Variants in PTPRN observed in about 807,000 individuals in gnomAD.
PTPRN encodes the protein protein tyrosine phosphatase receptor type N.
A neutral mutation model predicts 108.5 loss-of-function variants in PTPRN; 70 were observed. The ratio of observed to expected loss-of-function variants is 0.65; its 90% CI spans 0.53 to 0.79. The LOEUF (loss-of-function observed/expected upper bound fraction) is 0.79, where lower values mean the gene tolerates loss of function less well. Ranked by LOEUF, PTPRN falls within the 30% of genes least tolerant of loss-of-function variation. The pLI is 0.00. For missense variants in PTPRN, 1,136 were observed against 1,295.5 expected (o/e 0.88, Z 1.89); for synonymous variants, 496 against 524.6 (o/e 0.95, Z 0.75).
intron 3 of PTPRN, among the ~76,000 whole-genome samples, chr2:219,306,730 T>C (rs1386741676): frequency 6.6e-6 from 1 of 152,174 alleles, no homozygotes; most frequent in Non-Finnish European, 1.5e-5. Flanking sequence ...CTCTTCAGAA[T>C]TGTGCTTTTG....
intron 1 of PTPRN, chr2:219,308,999 A>C: frequency 2.0e-6 from 3 of 1,519,516 alleles, no homozygotes; most frequent in Non-Finnish European, 2.7e-6. Context: ...CCCAGAGCCC[A>C]ATTCTCTTAG....
chr2:219,291,105 G>A (rs1225280931), intron 20 of PTPRN, among the ~76,000 whole-genome samples: 2 of 152,104 alleles, frequency 1.3e-5, no homozygotes, highest in African/African-American at 4.8e-5. Flanking sequence ...GTGACCTGTG[G>A]GTGTCATTTG....
At position 219,290,747 on chromosome 2, in the gene PTPRN, T is replaced by G. The variant is rs1024503148; in HGVS notation, c.2794+79A>C. On this transcript the variant is annotated intron_variant, in intron 21 of 22. Transcript: ENST00000295718. The surrounding 1 kb of genome is among the most constrained non-coding windows in gnomAD (Gnocchi z 4.2). The stretch of plus-strand genomic sequence containing the variant: ...CTGGAGGTTGACAACCTGCTCCTTC[T>G]GAGCTCCCAGGACCCTGTGTGCTGG... The G allele has an allele frequency of 1.2e-5, 18 of 1,537,862 alleles. No homozygotes were observed. In the African/African-American group the frequency reaches 2.5e-4, roughly 21 times the overall value.
chr2:219,302,036 T>G, intron 6 of PTPRN, 101 bp downstream of exon 6: 1 of 1,131,818 alleles, frequency 8.8e-7, no homozygotes, highest in Non-Finnish European at 1.2e-6. Flanking sequence ...TGAATGACTT[T>G]AAGGACAAGT....
rs932618955 is a variant in PTPRN, at chr2:219,307,434, C to T, written c.280+10G>A. The T allele has an allele frequency of 1.2e-6, 2 of 1,611,638 alleles. No homozygotes were observed. Among genetic ancestry groups the T allele is most frequent in the African/African-American group, 1.3e-5 (1 of 74,994 alleles). On this transcript the variant is annotated intron_variant, in intron 3 of 22. Transcript: ENST00000295718. Reference sequence around the variant, plus strand: ...TCCAATCTCTCTCCTCCAGTGCACCCAGACCTTACCTTGGGACATGAGTTG... The same window carrying T: ...TCCAATCTCTCTCCTCCAGTGCACCTAGACCTTACCTTGGGACATGAGTTG...
At chr2:219,309,107 A>G (rs527278763) in intron 1 of PTPRN, 111 bp downstream of exon 1, 1 of 1,272,108 alleles carries the variant, frequency 7.9e-7, no homozygotes, top group East Asian at 4.1e-5. Context: ...CCCCCAACCC[A>G]TATTCTCCCC....
Position 219,302,733 on chromosome 2 carries a change from G to A in PTPRN, c.482C>T (p.Pro161Leu), listed in dbSNP as rs577458764. The A allele has an allele frequency of 1.9e-6, 3 of 1,613,522 alleles. No homozygotes were observed. The highest frequency in any genetic ancestry group is 2.2e-5 in the East Asian group (1 of 44,876). Residue 161 changes from proline to leucine, a missense_variant, in exon 5 of 23, where the codon CCA becomes CTA. Transcript: ENST00000295718. ...PAAQHRLPQP[P>L]VGKGGAGASS... is the part of the protein sequence containing the mutation. ...GGCCCCAGCTCCACCTTTGCCCACTGGTGGTTGTGGAAGCCGATGCTGGGC... is the reference window on the plus strand; with the variant it reads ...GGCCCCAGCTCCACCTTTGCCCACTAGTGGTTGTGGAAGCCGATGCTGGGC...
At chr2:219,308,936 A>G (rs1415786174) in intron 1 of PTPRN, 1 of 1,426,614 alleles carries the variant, frequency 7.0e-7, no homozygotes, top group African/African-American at 1.4e-5. Context: ...GCCGGTCTCT[A>G]AGTCCCTCTG....
At chr2:219,301,845 G>C (rs1952356280) in intron 6 of PTPRN, 126 bp from the exon 7 acceptor site, 2 of 1,230,386 alleles carry the variant, frequency 1.6e-6, no homozygotes, top group Non-Finnish European at 2.2e-6. Context: ...AGGACACCAA[G>C]AGATGCCCTC....
chr2:219,291,648 A>T lies in PTPRN; in HGVS notation c.2676-125T>A. On this transcript the variant is annotated intron_variant, in intron 19 of 22. Coordinates refer to ENST00000295718, the MANE Select transcript of PTPRN (RefSeq NM_002846.4). ...CACCTGCCCGGGGCAGAGAGGGAAGATGGTTGGAGAAAGGAGCCAGGGCTG... is the reference window on the plus strand; with the variant it reads ...CACCTGCCCGGGGCAGAGAGGGAAGTTGGTTGGAGAAAGGAGCCAGGGCTG... 3 of 1,017,070 alleles carry T rather than the reference A, an allele frequency of 2.9e-6. 1 individual carries two copies. In the South Asian group the frequency reaches 4.6e-5, roughly 15 times the overall value. The allele number at this position is 1,017,070 out of a possible 1,614,324, so 63.0% of individuals were successfully genotyped here. A position where few individuals can be genotyped will look rare whatever the true frequency, so the allele number is the denominator to read the frequency against.
rs1284355942 is a variant in PTPRN at position 219,300,072 on chromosome 2, G to A, written c.1349C>T (p.Pro450Leu). 1.2e-6 allele frequency: 2 copies of A among 1,614,120 alleles called. No homozygotes were observed. The highest frequency in any genetic ancestry group is 1.7e-5 in the Admixed American group (1 of 60,006). ...VTPVLLEKKS[P>L]LGQSQPTVAG... is the part of the protein sequence containing the mutation. ...CACCGTGGGCTGGCTCTGGCCCAGTGGGCTTTTCTTCTCTAGCAGGACAGG... is the reference window on the plus strand; with the variant it reads ...CACCGTGGGCTGGCTCTGGCCCAGTAGGCTTTTCTTCTCTAGCAGGACAGG... The change falls in exon 9 of 23, where the codon CCA (proline) becomes CTA (leucine). Residue 450 changes from proline (P) to leucine (L), a missense_variant. Coordinates refer to ENST00000295718, the MANE Select transcript of PTPRN (RefSeq NM_002846.4).
intron 1 of PTPRN, 86 bp from the exon 2 acceptor site, chr2:219,307,928 A>C: frequency 7.6e-7 from 1 of 1,312,622 alleles, no homozygotes; most frequent in African/African-American, 1.5e-5. Context: ...CGGGAGAAGC[A>C]GATGCAATTT....
At chr2:219,298,467 G>A (rs1480301316) in intron 12 of PTPRN, among the ~76,000 whole-genome samples, 2 of 152,188 alleles carry the variant, frequency 1.3e-5, no homozygotes, top group Non-Finnish European at 2.9e-5. Flanking sequence ...ACTTTGGGGG[G>A]CCAAAGGTTG....
chr2:219,301,453 C>T, intron 7 of PTPRN, 135 bp downstream of exon 7: 1 of 1,285,504 alleles, frequency 7.8e-7, no homozygotes. Context: ...TGGCAATGAC[C>T]CTATGTCTCA....
chr2:219,307,716 G>C, intron 2 of PTPRN, 76 bp downstream of exon 2: 1 of 1,555,220 alleles, frequency 6.4e-7, no homozygotes, highest in Non-Finnish European at 8.9e-7. Context: ...TCCTTTCTGG[G>C]CCTTCTCTCC....
chr2:219,298,186 C>A, intron 12 of PTPRN, 83 bp from the exon 13 acceptor site: 1 of 1,367,390 alleles, frequency 7.3e-7, no homozygotes, highest in Non-Finnish European at 1.0e-6. Context: ...CCATGCCACA[C>A]CCCCTGTTAG....
At chr2:219,300,913 T>C in intron 8 of PTPRN, 30 bp downstream of exon 8, 1 of 1,611,864 alleles carries the variant, frequency 6.2e-7, no homozygotes, top group East Asian at 2.2e-5. Context: ...CATGGGGTGA[T>C]TATGAGTCAA....
chr2:219,292,665 A>G (rs1305196395), intron 19 of PTPRN: 2 of 152,184 alleles, frequency 1.3e-5, no homozygotes, highest in Non-Finnish European at 2.9e-5. Context: ...CACTTACACT[A>G]GATTTTACAT....
intron 1 of PTPRN, 173 bp downstream of exon 1, chr2:219,309,045 C>T: frequency 1.2e-5 from 18 of 1,536,356 alleles, no homozygotes; most frequent in Non-Finnish European, 1.5e-5. Context: ...ACCTCCAGGC[C>T]TACGCCCCTT....
Sources: allele counts gnomAD v4.1 joint callset (sites outside exome capture counted in the v4.1 genomes callset), GRCh38; gene constraint gnomAD v4.1.1; non-coding constraint Gnocchi (gnomAD v3.1); transcripts MANE v1.5; gene names NCBI Gene and HGNC (gene_info 2026-07-23, HGNC 2026-07-21).